NAV1: variants seen among roughly 807,000 people sequenced by gnomAD.
The protein encoded by NAV1 is neuron navigator 1, also known as pore membrane and/or filament interacting like protein 3.
Under a neutral mutation model 175.2 loss-of-function variants are expected in NAV1, and 18 were observed. The ratio of observed to expected loss-of-function variants is 0.10; its 90% CI spans 0.07 to 0.15. The LOEUF (loss-of-function observed/expected upper bound fraction) is 0.15, where lower values mean the gene tolerates loss of function less well. Among genes scored for constraint, NAV1 ranks in the 10% least tolerant of loss-of-function variants. The probability of loss-of-function intolerance (pLI) is 1.00; values close to 1 mark genes in which losing one functional copy is unlikely to be tolerated. For missense variants in NAV1, 1,731 were observed against 2,436.6 expected (o/e 0.71, Z 6.10); for synonymous variants, 897 against 978.7 (o/e 0.92, Z 1.56).
chr1:201,783,272 C>G, intron 6 of NAV1, 134 bp from the exon 11 acceptor site: 1 of 939,236 alleles, frequency 1.1e-6, no homozygotes, highest in Non-Finnish European at 1.6e-6. Flanking sequence ...TTGTATTTCA[C>G]AACAGCATTA....
chr1:201,722,290 AT>A (rs1170114201), intron 3 of NAV1, among the ~76,000 whole-genome samples: 3 of 152,110 alleles, frequency 2.0e-5, no homozygotes, highest in African/African-American at 7.2e-5. Context: ...GGGAGCCACC[AT>A]TCTACTTTTC....
Position 201,696,500 on chromosome 1 carries a change from G to A in NAV1, c.758-16317G>A, listed in dbSNP as rs141979355. Among the ~76,000 whole-genome samples, 13 of 152,324 alleles carry A rather than the reference G, an allele frequency of 8.5e-5. No homozygotes were observed. In the East Asian group the frequency reaches 2.5e-3, roughly 29 times the overall value. The stretch of plus-strand genomic sequence containing the variant: ...TTGGACAGGAGCAGTGACTGCCAGT[G>A]AGGCCTGGACTGGCTGGCAGCCCGA... On this transcript the variant is annotated intron_variant, in intron 1 of 29. Coordinates refer to ENST00000367296, the Ensembl canonical transcript of NAV1.
intron 1 of NAV1, among the ~76,000 whole-genome samples, chr1:201,572,370 CTTT>C (rs558471603): frequency 6.6e-5 from 9 of 136,432 alleles, no homozygotes; most frequent in Admixed American, 1.5e-4. Context: ...TTCTTTCTTT[CTTT>C]TTTTTTTTTT....
Position 201,819,827 on chromosome 1 carries a change from C to T in NAV1, c.5539-10C>T, listed in dbSNP as rs760101062. On this transcript the variant is annotated splice_polypyrimidine_tract_variant and intron_variant, in intron 29 of 29. Coordinates refer to ENST00000367296, the Ensembl canonical transcript of NAV1. The stretch of plus-strand genomic sequence containing the variant: ...AACTCTCATAAATCCATCTTTTTGC[C>T]CCCCTTTAGATGGCCATGCTGCTGA... The T allele has an allele frequency of 2.7e-5, 43 of 1,613,098 alleles. No homozygotes were observed. The highest frequency in any genetic ancestry group is 3.6e-5 in the Non-Finnish European group (42 of 1,179,342).
At chr1:201,614,859 C>T (rs566496937) in intron 2 of NAV1, among the ~76,000 whole-genome samples, 8 of 152,266 alleles carry the variant, frequency 5.3e-5, no homozygotes, top group African/African-American at 1.9e-4. Flanking sequence ...AGCGTCCTTG[C>T]CTCTGAAGTG....
At chr1:201,759,911 T>G (rs1674735742) in intron 3 of NAV1, among the ~76,000 whole-genome samples, 2 of 152,216 alleles carry the variant, frequency 1.3e-5, no homozygotes, top group Non-Finnish European at 2.9e-5. Flanking sequence ...AGGTTTCCCT[T>G]GCAATACATT....
At chr1:201,712,843 G>C in exon 2 of NAV1, 1 of 1,613,832 alleles carries the variant, frequency 6.2e-7, no homozygotes, top group Non-Finnish European at 8.5e-7. Context: ...AAAGAGGACA[G>C]TGCAGAATGT....
chr1:201,619,481 G>A (rs1043999717), upstream of NAV1, among the ~76,000 whole-genome samples: 1 of 152,248 alleles, frequency 6.6e-6, no homozygotes, highest in Admixed American at 6.5e-5. Context: ...AGAAGGGATG[G>A]TCTAGGGTGC....
intron 3 of NAV1, among the ~76,000 whole-genome samples, chr1:201,734,030 C>G (rs748573803): frequency 6.6e-6 from 1 of 152,148 alleles, no homozygotes; most frequent in Non-Finnish European, 1.5e-5. Context: ...GGAAGGGAGA[C>G]TGCTGCAGTT....
intron 2 of NAV1, among the ~76,000 whole-genome samples, chr1:201,611,124 G>A (rs1394121332): frequency 1.3e-5 from 2 of 152,166 alleles, no homozygotes; most frequent in African/African-American, 4.8e-5. Flanking sequence ...CCAAGGCTCT[G>A]CCCACTCTGC....
At chr1:201,714,527 A>G (rs976875105) in intron 2 of NAV1, among the ~76,000 whole-genome samples, 1 of 152,184 alleles carries the variant, frequency 6.6e-6, no homozygotes, top group African/African-American at 2.4e-5. Context: ...AAGTCCTGGA[A>G]AAAGGTGGAT....
intron 2 of NAV1, among the ~76,000 whole-genome samples, chr1:201,633,946 T>A (rs1277085068): frequency 1.3e-5 from 2 of 152,194 alleles, no homozygotes; most frequent in Non-Finnish European, 2.9e-5. Flanking sequence ...TTCCAGGAAC[T>A]GGGACGGGAG....
chr1:201,790,965 C>A lies in NAV1; in HGVS notation c.3321+199C>A, dbSNP rs1677079284. ...CTGAGCCTCAACTTTTATGAAGAAC[C>A]ATTTTGCTTCTACTCTAATTAATAG... On this transcript the variant is annotated intron_variant, in intron 13 of 29. Coordinates refer to ENST00000367296, the Ensembl canonical transcript of NAV1. 3 of 589,878 alleles carry A rather than the reference C, an allele frequency of 5.1e-6. No homozygotes were observed. The Admixed American group carries it at 9.0e-5, about 18-fold the overall frequency. 36.5% of individuals were successfully genotyped at this position (589,878 alleles called of 1,614,324 possible).
chr1:201,596,400 A>T (rs1393388046), intron 2 of NAV1, among the ~76,000 whole-genome samples: 1 of 152,232 alleles, frequency 6.6e-6, no homozygotes, highest in Non-Finnish European at 1.5e-5. Flanking sequence ...AAGTTAGCCC[A>T]GGGTTTTGGA....
At chr1:201,632,401 C>T (rs112025874) in intron 2 of NAV1, among the ~76,000 whole-genome samples, 164 of 152,374 alleles carry the variant, frequency 1.1e-3, no homozygotes, top group African/African-American at 3.8e-3. Context: ...CTGACCCTCC[C>T]TGGCCCATCT....
chr1:201,571,383 G>A (rs1275013652), intron 1 of NAV1, among the ~76,000 whole-genome samples: 1 of 152,220 alleles, frequency 6.6e-6, no homozygotes, highest in Non-Finnish European at 1.5e-5. Context: ...TTCCTACATA[G>A]TCATGGCTTA....
chr1:201,765,232 C>A (rs1473834722), intron 3 of NAV1, among the ~76,000 whole-genome samples: 2 of 152,006 alleles, frequency 1.3e-5, no homozygotes, highest in Non-Finnish European at 1.5e-5. Context: ...AAGTGCCATA[C>A]AGAACTCTGT....
At chr1:201,577,472 ATTTTTTTTTTTT>A (rs36112197) in intron 1 of NAV1, among the ~76,000 whole-genome samples, 1 of 97,912 alleles carries the variant, frequency 1.0e-5, no homozygotes. Flanking sequence ...TGAGACTTAG[ATTTTTTTTTTTT>A]TTTTTTTTTT....
At position 201,812,779 on chromosome 1, in the gene NAV1, C is replaced by G. The variant is rs529164743; in HGVS notation, c.5221+118C>G. The stretch of plus-strand genomic sequence containing the variant: ...TTCGGCATGTAAAGGAGCTGCAAGC[C>G]TTGTGGCTTCAGACTTAGAACCACT... On this transcript the variant is annotated intron_variant, in intron 27 of 29. Transcript: ENST00000367296. The surrounding 1 kb of genome is among the most constrained non-coding windows in gnomAD (Gnocchi z 4.6). 7.3e-5 allele frequency: 68 copies of G among 926,020 alleles called. No homozygotes were observed. In the African/African-American group the frequency reaches 1.1e-3, roughly 15 times the overall value. The allele number at this position is 926,020 out of a possible 1,614,324, so 57.4% of individuals were successfully genotyped here. A position where few individuals can be genotyped will look rare whatever the true frequency, so the allele number is the denominator to read the frequency against.
Sources: allele counts gnomAD v4.1 joint callset (sites outside exome capture counted in the v4.1 genomes callset), GRCh38; gene constraint gnomAD v4.1.1; non-coding constraint Gnocchi (gnomAD v3.1); transcripts MANE v1.5; gene names NCBI Gene and HGNC (gene_info 2026-07-23, HGNC 2026-07-21).